The following SGCZ variants were observed in gnomAD, a reference collection of about 807,000 sequenced individuals.
The protein encoded by SGCZ is zeta-sarcoglycan.
A neutral mutation model predicts 41.3 loss-of-function variants in SGCZ; 40 were observed. That is an observed-to-expected ratio of 0.97 (90% CI 0.75 to 1.26). SGCZ has a LOEUF of 1.26. Among genes scored for constraint, SGCZ ranks in the 50% most tolerant of loss-of-function variants. The pLI is 0.00. For missense variants in SGCZ, 552 were observed against 369.8 expected, an observed-to-expected ratio of 1.49 and a Z score of -4.04; for synonymous variants, 206 against 137.5, an observed-to-expected ratio of 1.50 and a Z score of -3.49.
chr8:14,605,401 T>A (rs983649964), intron 1 of SGCZ, among the ~76,000 whole-genome samples: 1 of 152,150 alleles, frequency 6.6e-6, no homozygotes, highest in East Asian at 1.9e-4. Context: ...TCCTTTGTGT[T>A]ACCAACAATC....
intron 1 of SGCZ, among the ~76,000 whole-genome samples, chr8:14,780,374 C>G (rs74715942): frequency 1.3e-5 from 1 of 79,086 alleles, no homozygotes; most frequent in Non-Finnish European, 2.7e-5. Flanking sequence ...GACTCCATCT[C>G]AAAAAAAAAA....
chr8:14,990,345 C>T (rs1306859991), intron 1 of SGCZ, among the ~76,000 whole-genome samples: 2 of 152,004 alleles, frequency 1.3e-5, no homozygotes, highest in Non-Finnish European at 1.5e-5. Context: ...GTACCAGATC[C>T]CTGGCCTGTT....
intron 2 of SGCZ, among the ~76,000 whole-genome samples, chr8:14,402,494 G>A (rs1372960237): frequency 1.3e-5 from 2 of 150,862 alleles, no homozygotes; most frequent in African/African-American, 2.5e-5. Context: ...TCCAGTTTCA[G>A]CTTTCTACCT....
intron 3 of SGCZ, among the ~76,000 whole-genome samples, chr8:14,322,143 G>C (rs1490236948): frequency 6.6e-6 from 1 of 152,096 alleles, no homozygotes; most frequent in Non-Finnish European, 1.5e-5. Context: ...GTTTATTTTT[G>C]AAGTGTATGT....
At chr8:14,443,725 C>G (rs1234224355) in intron 2 of SGCZ, among the ~76,000 whole-genome samples, 1 of 152,130 alleles carries the variant, frequency 6.6e-6, no homozygotes. Context: ...AAAACCTAGG[C>G]ATTACCATTC....
At chr8:14,606,891 TA>T (rs1409032942) in intron 1 of SGCZ, among the ~76,000 whole-genome samples, 1 of 152,168 alleles carries the variant, frequency 6.6e-6, no homozygotes, top group Non-Finnish European at 1.5e-5. Flanking sequence ...GACTATTAAG[TA>T]TTAGAGATAT....
chr8:14,813,539 C>A (rs1220346165), intron 1 of SGCZ, among the ~76,000 whole-genome samples: 2 of 152,136 alleles, frequency 1.3e-5, no homozygotes, highest in Admixed American at 6.5e-5. Context: ...CAGGGAAAAT[C>A]GTAATACACA....
intron 1 of SGCZ, among the ~76,000 whole-genome samples, chr8:14,870,496 A>G (rs1047271863): frequency 2.6e-5 from 4 of 152,082 alleles, no homozygotes; most frequent in African/African-American, 7.2e-5. Context: ...GAAGAAAACC[A>G]AGGCAATACC....
chr8:14,779,522 A>G (rs948358859), intron 1 of SGCZ, among the ~76,000 whole-genome samples: 2 of 152,200 alleles, frequency 1.3e-5, no homozygotes, highest in African/African-American at 4.8e-5. Flanking sequence ...CAAATTTTTG[A>G]TCTACAAAAA....
chr8:14,242,399 A>G (rs1798921493), intron 3 of SGCZ, among the ~76,000 whole-genome samples: 2 of 152,222 alleles, frequency 1.3e-5, no homozygotes, highest in African/African-American at 2.4e-5. Context: ...AGATAATAAC[A>G]TGATTGTAAG....
At position 14,736,092 on chromosome 8, in the gene SGCZ, G is replaced by C. The variant is rs548853704; in HGVS notation, c.40-181166C>G. Among the ~76,000 whole-genome samples the C allele has an allele frequency of 3.3e-5, 5 of 152,210 alleles. No homozygotes were observed. In the East Asian group the frequency reaches 9.7e-4, roughly 30 times the overall value. The stretch of plus-strand genomic sequence containing the variant: ...CCTCATCTAATGTCTACAGATTATA[G>C]ACTATCATACTTGGTGCTTTTGGTA... On this transcript the variant is annotated intron_variant, in intron 1 of 7. Transcript: ENST00000382080.
At chr8:14,273,773 A>G (rs1294987028) in intron 3 of SGCZ, among the ~76,000 whole-genome samples, 1 of 152,184 alleles carries the variant, frequency 6.6e-6, no homozygotes, top group African/African-American at 2.4e-5. Flanking sequence ...ACTAAGTGTA[A>G]AAACTAATGA....
At chr8:15,115,328 G>C (rs1288979908) in intron 1 of SGCZ, among the ~76,000 whole-genome samples, 2 of 152,152 alleles carry the variant, frequency 1.3e-5, no homozygotes, top group African/African-American at 4.8e-5. Context: ...TTTGCTAGAA[G>C]TAGTAATGAA....
intron 1 of SGCZ, among the ~76,000 whole-genome samples, chr8:14,937,238 T>C (rs755570499): frequency 1.2e-4 from 18 of 151,074 alleles, no homozygotes; most frequent in South Asian, 2.1e-4. Context: ...ATTAAAGAGA[T>C]AGTTATATGT....
At chr8:14,439,053 A>T (rs1251440179) in intron 2 of SGCZ, among the ~76,000 whole-genome samples, 1 of 152,002 alleles carries the variant, frequency 6.6e-6, no homozygotes, top group East Asian at 1.9e-4. Flanking sequence ...GATGCCAAGT[A>T]CTAACCCTGC....
At chr8:14,370,566 G>A (rs1457056139) in intron 2 of SGCZ, among the ~76,000 whole-genome samples, 1 of 151,706 alleles carries the variant, frequency 6.6e-6, no homozygotes, top group Non-Finnish European at 1.5e-5. Flanking sequence ...TCTTACTCAA[G>A]TTCTCTTTTC....
chr8:14,260,222 T>G (rs1799607178), intron 3 of SGCZ, among the ~76,000 whole-genome samples: 1 of 151,878 alleles, frequency 6.6e-6, no homozygotes, highest in African/African-American at 2.4e-5. Context: ...ATATCCAGAA[T>G]CTACAATGAA....
intron 4 of SGCZ, among the ~76,000 whole-genome samples, chr8:14,206,700 C>T (rs542968961): frequency 2.7e-4 from 41 of 152,164 alleles, no homozygotes; most frequent in Non-Finnish European, 5.3e-4. Flanking sequence ...GCCTGCTCTC[C>T]CTACTGTATC....
chr8:14,415,685 T>C (rs1799473976), intron 2 of SGCZ, among the ~76,000 whole-genome samples: 1 of 151,962 alleles, frequency 6.6e-6, no homozygotes, highest in South Asian at 2.1e-4. Context: ...TAAAGCTGTA[T>C]TTTGTTCGTT....
Sources: allele counts gnomAD v4.1 joint callset (sites outside exome capture counted in the v4.1 genomes callset), GRCh38; gene constraint gnomAD v4.1.1; transcripts MANE v1.5; gene names NCBI Gene and HGNC (gene_info 2026-07-23, HGNC 2026-07-21).